The following ZNF277 variants were observed in gnomAD, a reference collection of about 807,000 sequenced individuals.
The protein encoded by ZNF277 is nuclear receptor-interacting factor 4.
ZNF277 carries 55 observed loss-of-function variants against 60.7 expected under a neutral mutation model. The observed-to-expected ratio is 0.91, with a 90% CI of 0.73 to 1.13. The LOEUF (loss-of-function observed/expected upper bound fraction) is 1.13. Among genes scored for constraint, ZNF277 ranks in the 50% most tolerant of loss-of-function variants. The pLI is 0.00. For missense variants in ZNF277, 510 were observed against 523.0 expected (o/e 0.98, Z 0.24); for synonymous variants, 178 against 179.3 (o/e 0.99, Z 0.06).
At chr7:112,339,811 T>G (rs1261140093) in intron 9 of ZNF277, 32 bp from the exon 10 acceptor site, 1 of 1,595,504 alleles carries the variant, frequency 6.3e-7, no homozygotes. Context: ...AAATAATTCA[T>G]ATGCTTACAG....
At chr7:112,274,639 T>G (rs1418009379) in intron 1 of ZNF277, among the ~76,000 whole-genome samples, 3 of 152,192 alleles carry the variant, frequency 2.0e-5, no homozygotes, top group Non-Finnish European at 4.4e-5. Context: ...ACTCAGAAAT[T>G]TATGATTCTA....
At position 112,339,785 on chromosome 7, in the gene ZNF277, T is replaced by C; in HGVS notation, c.967-58T>C. On this transcript the variant is annotated intron_variant, in intron 9 of 11. Coordinates refer to ENST00000361822, the MANE Select transcript of ZNF277 (RefSeq NM_021994.3). ...CTCCTGTGAATAAGTTGTTTATAACTTCAGCCTGAAAGATTAAATAATTCA... is the reference window on the plus strand; with the variant it reads ...CTCCTGTGAATAAGTTGTTTATAACCTCAGCCTGAAAGATTAAATAATTCA... 3 of 1,535,226 alleles carry C rather than the reference T, an allele frequency of 2.0e-6. 1 individual carries two copies. The highest frequency in any genetic ancestry group is 2.7e-6 in the Non-Finnish European group (3 of 1,113,648).
At chr7:112,316,494 T>A (rs1422159813) in intron 4 of ZNF277, among the ~76,000 whole-genome samples, 1 of 152,152 alleles carries the variant, frequency 6.6e-6, no homozygotes, top group Non-Finnish European at 1.5e-5. Flanking sequence ...TGCAAAAATT[T>A]TCTCCCGTTC....
intron 4 of ZNF277, among the ~76,000 whole-genome samples, chr7:112,316,726 T>C (rs1162065789): frequency 6.6e-6 from 1 of 152,108 alleles, no homozygotes; most frequent in Non-Finnish European, 1.5e-5. Flanking sequence ...AGTTCAACCA[T>C]TGTGGAAGAC....
chr7:112,336,362 C>T (rs1793334851), intron 8 of ZNF277, among the ~76,000 whole-genome samples, 191 bp downstream of exon 8: 2 of 152,160 alleles, frequency 1.3e-5, no homozygotes, highest in Non-Finnish European at 2.9e-5. Flanking sequence ...CCTAAAGACA[C>T]TGTTATTCCA....
At chr7:112,245,952 C>T (rs1451793404) in intron 1 of ZNF277, among the ~76,000 whole-genome samples, 1 of 152,162 alleles carries the variant, frequency 6.6e-6, no homozygotes, top group Non-Finnish European at 1.5e-5. Flanking sequence ...CTGGGACACT[C>T]ACCTTCTTCC....
At chr7:112,247,799 C>T (rs1056638955) in intron 1 of ZNF277, among the ~76,000 whole-genome samples, 2 of 151,890 alleles carry the variant, frequency 1.3e-5, no homozygotes, top group Non-Finnish European at 2.9e-5. Flanking sequence ...GAGACCCTGT[C>T]TCTACTAAAA....
At chr7:112,293,863 C>T (rs979480893) in intron 2 of ZNF277, among the ~76,000 whole-genome samples, 8 of 152,184 alleles carry the variant, frequency 5.3e-5, no homozygotes, top group Non-Finnish European at 1.2e-4. Flanking sequence ...CCAGGACTGA[C>T]GATCCACTCC....
At chr7:112,239,407 C>A (rs1009817108) in intron 1 of ZNF277, among the ~76,000 whole-genome samples, 54 of 152,190 alleles carry the variant, frequency 3.5e-4, no homozygotes, top group Admixed American at 3.3e-3. Flanking sequence ...GCAATAGTTG[C>A]CACAGGCCTC....
chr7:112,278,667 T>C (rs1055084119), intron 1 of ZNF277, among the ~76,000 whole-genome samples: 2 of 152,166 alleles, frequency 1.3e-5, no homozygotes, highest in African/African-American at 4.8e-5. Flanking sequence ...TTGGTCAGGG[T>C]TGGTTAATGG....
intron 1 of ZNF277, among the ~76,000 whole-genome samples, chr7:112,212,132 A>T (rs1237458906): frequency 2.0e-5 from 3 of 152,244 alleles, no homozygotes; most frequent in African/African-American, 7.2e-5. Context: ...TCAGTTTTTT[A>T]AAATAAAGTT....
intron 2 of ZNF277, among the ~76,000 whole-genome samples, chr7:112,293,476 G>A (rs1293655211): frequency 6.6e-6 from 1 of 151,822 alleles, no homozygotes; most frequent in African/African-American, 2.4e-5. Context: ...CTACTCGGGA[G>A]GCTGAGGTGG....
chr7:112,336,490 ACT>A (rs1397866016), intron 8 of ZNF277, among the ~76,000 whole-genome samples: 1 of 151,910 alleles, frequency 6.6e-6, no homozygotes, highest in Non-Finnish European at 1.5e-5. Context: ...TGATCTTTGA[ACT>A]CTCCATGTTG....
At chr7:112,340,514 T>C (rs985370118) in intron 10 of ZNF277, among the ~76,000 whole-genome samples, 2 of 152,212 alleles carry the variant, frequency 1.3e-5, no homozygotes, top group South Asian at 2.1e-4. Flanking sequence ...TTTATAGACA[T>C]ATATATACAT....
At chr7:112,332,949 T>C (rs776288616) in intron 7 of ZNF277, among the ~76,000 whole-genome samples, 3 of 152,142 alleles carry the variant, frequency 2.0e-5, no homozygotes, top group Non-Finnish European at 4.4e-5. Flanking sequence ...TAATATTATA[T>C]AGAACAAGTG....
At chr7:112,296,992 A>T (rs1792367940) in intron 4 of ZNF277, among the ~76,000 whole-genome samples, 1 of 118,158 alleles carries the variant, frequency 8.5e-6, no homozygotes, top group Admixed American at 1.1e-4. Flanking sequence ...CAGTGGTGTG[A>T]TCTCAGCTCA....
intron 1 of ZNF277, among the ~76,000 whole-genome samples, chr7:112,261,888 G>T (rs1281331777): frequency 6.6e-6 from 1 of 152,054 alleles, no homozygotes; most frequent in Non-Finnish European, 1.5e-5. Context: ...TTCATTATTG[G>T]TTTTTAAGTA....
At chr7:112,337,949 C>A in intron 9 of ZNF277, 123 bp downstream of exon 9, 1 of 740,092 alleles carries the variant, frequency 1.4e-6, no homozygotes, top group Non-Finnish European at 2.1e-6. Context: ...AGAGACAGGC[C>A]AGGTCTGTCA....
At chr7:112,209,610 A>G (rs1182607968) in intron 1 of ZNF277, among the ~76,000 whole-genome samples, 1 of 152,152 alleles carries the variant, frequency 6.6e-6, no homozygotes, top group African/African-American at 2.4e-5. Context: ...TTAATGGTTG[A>G]TTTTTTATGT....
Sources: allele counts gnomAD v4.1 joint callset (sites outside exome capture counted in the v4.1 genomes callset), GRCh38; gene constraint gnomAD v4.1.1; transcripts MANE v1.5; gene names NCBI Gene and HGNC (gene_info 2026-07-23, HGNC 2026-07-21).